RIMS2: variants seen among roughly 807,000 people sequenced by gnomAD.
RIMS2 encodes the protein regulating synaptic membrane exocytosis protein 2.
Under a neutral mutation model 174.4 loss-of-function variants are expected in RIMS2, and 59 were observed. That is an observed-to-expected ratio of 0.34 (90% CI 0.27 to 0.42). The LOEUF is 0.42. RIMS2 is among the 10% of genes least tolerant of loss of function. RIMS2 has a pLI of 1.00. For synonymous variants in RIMS2, 606 were observed against 572.5 expected (o/e 1.06, Z -0.84); for missense variants, 1,620 against 1,666.3 (o/e 0.97, Z 0.48).
At chr8:103,793,301 C>T (rs1349318693) in intron 3 of RIMS2, among the ~76,000 whole-genome samples, 1 of 152,130 alleles carries the variant, frequency 6.6e-6, no homozygotes, top group Non-Finnish European at 1.5e-5. Flanking sequence ...AAACGTAACC[C>T]CTCATATAAA....
At chr8:103,969,454 C>CT (rs1367091414) in intron 15 of RIMS2, among the ~76,000 whole-genome samples, 1 of 152,112 alleles carries the variant, frequency 6.6e-6, no homozygotes, top group Admixed American at 6.5e-5. Context: ...TTCAGAGATT[C>CT]TTTTCTCAAC....
chr8:103,510,962 T>C (rs1826181163), intron 1 of RIMS2, among the ~76,000 whole-genome samples: 1 of 152,186 alleles, frequency 6.6e-6, no homozygotes, highest in Admixed American at 6.5e-5. Flanking sequence ...ATAAAGTAGA[T>C]ACTGAACTAT....
rs575516660 is a variant in RIMS2 at position 104,224,406 on chromosome 8, T to G, written c.3335-20510T>G. Reference sequence around the variant, plus strand: ...TGTTTTAAACTTTTCACCAGTTGATTTGGAGTTCGTAAAGTTTTGAATAAC... The same window carrying G: ...TGTTTTAAACTTTTCACCAGTTGATGTGGAGTTCGTAAAGTTTTGAATAAC... On this transcript the variant is annotated intron_variant, in intron 19 of 23. Transcript: ENST00000504942. Among the ~76,000 whole-genome samples, 13 of 152,322 alleles carry G rather than the reference T, an allele frequency of 8.5e-5. No homozygotes were observed. The South Asian group carries it at 2.5e-3, about 29-fold the overall frequency.
intron 2 of RIMS2, among the ~76,000 whole-genome samples, chr8:103,737,442 C>G (rs1034412623): frequency 3.9e-5 from 6 of 152,044 alleles, no homozygotes; most frequent in African/African-American, 1.4e-4. Flanking sequence ...CCGCCTCAGC[C>G]TCACAAAATG....
At chr8:103,770,379 C>T (rs1386942404) in intron 3 of RIMS2, among the ~76,000 whole-genome samples, 6 of 152,150 alleles carry the variant, frequency 3.9e-5, no homozygotes, top group African/African-American at 1.4e-4. Flanking sequence ...AGTTCAAGAC[C>T]AGCATGGCCA....
At chr8:103,623,890 C>T (rs1249234871) in intron 1 of RIMS2, among the ~76,000 whole-genome samples, 1 of 152,058 alleles carries the variant, frequency 6.6e-6, no homozygotes, top group African/African-American at 2.4e-5. Context: ...TAAATATCCT[C>T]TGATGACCTT....
intron 3 of RIMS2, among the ~76,000 whole-genome samples, chr8:103,788,967 C>A (rs10092403): frequency 1.3e-5 from 2 of 152,182 alleles, no homozygotes; most frequent in Admixed American, 6.5e-5. Flanking sequence ...GGGATATAAT[C>A]TCGTGGTGCG....
chr8:103,776,024 T>C (rs1161648972), intron 3 of RIMS2, among the ~76,000 whole-genome samples: 1 of 152,204 alleles, frequency 6.6e-6, no homozygotes, highest in Non-Finnish European at 1.5e-5. Flanking sequence ...GCATTCTTCA[T>C]AGATTGACAT....
At chr8:103,759,143 A>G (rs2098074652) in intron 2 of RIMS2, among the ~76,000 whole-genome samples, 1 of 152,120 alleles carries the variant, frequency 6.6e-6, no homozygotes, top group Non-Finnish European at 1.5e-5. Flanking sequence ...ATTTTTGTTA[A>G]ATTGAAGGGC....
chr8:104,046,936 T>G (rs1159925264), intron 19 of RIMS2, among the ~76,000 whole-genome samples: 1 of 152,070 alleles, frequency 6.6e-6, no homozygotes, highest in Non-Finnish European at 1.5e-5. Context: ...AGTATTCTTA[T>G]GATACATCTA....
At chr8:103,563,848 C>T (rs547767123) in intron 1 of RIMS2, among the ~76,000 whole-genome samples, 13 of 152,304 alleles carry the variant, frequency 8.5e-5, no homozygotes, top group African/African-American at 3.1e-4. Context: ...TCACATCTTA[C>T]GTGGATGGTG....
chr8:103,567,179 G>A (rs774901777), intron 1 of RIMS2, among the ~76,000 whole-genome samples: 25 of 151,802 alleles, frequency 1.6e-4, no homozygotes, highest in Non-Finnish European at 3.5e-4. Flanking sequence ...TTTTTATTGT[G>A]GTAAAATGCA....
rs2099150710 is a variant in RIMS2 at position 103,878,230 on chromosome 8, T to C, written c.699-7068T>C. On this transcript the variant is annotated intron_variant, in intron 3 of 23. Coordinates refer to ENST00000504942, the Ensembl canonical transcript of RIMS2. ...AAGTTTCCTGAGGCCTCCACAGCCA[T>C]GCAGAACTGTGAGTCAATTAAGCCT... Among the ~76,000 whole-genome samples, 3 of 151,914 alleles carry C rather than the reference T, an allele frequency of 2.0e-5. No individual in the cohort carries two copies. In the South Asian group the frequency reaches 6.2e-4, roughly 31 times the overall value.
chr8:104,074,319 T>C (rs144817136), intron 19 of RIMS2, among the ~76,000 whole-genome samples: 1 of 152,298 alleles, frequency 6.6e-6, no homozygotes, highest in East Asian at 1.9e-4. Flanking sequence ...ACCTCACAGC[T>C]TTTTTAATCT....
At chr8:103,951,650 G>T (rs2154543384) in intron 14 of RIMS2, among the ~76,000 whole-genome samples, 1 of 152,294 alleles carries the variant, frequency 6.6e-6, no homozygotes, top group Non-Finnish European at 1.5e-5. Flanking sequence ...AGGGCCCTGG[G>T]TTTCCAGCAC....
At chr8:103,604,129 T>C (rs1243200405) in intron 1 of RIMS2, among the ~76,000 whole-genome samples, 1 of 149,468 alleles carries the variant, frequency 6.7e-6, no homozygotes, top group Non-Finnish European at 1.5e-5. Flanking sequence ...TTTCTGGTTT[T>C]AGGTCTAACG....
At chr8:104,064,280 T>C (rs2097062101) in intron 19 of RIMS2, among the ~76,000 whole-genome samples, 1 of 152,130 alleles carries the variant, frequency 6.6e-6, no homozygotes, top group Non-Finnish European at 1.5e-5. Context: ...TTTAAGGAAA[T>C]AAGTTAAATC....
chr8:104,189,235 G>A (rs2098984915), intron 19 of RIMS2, among the ~76,000 whole-genome samples: 1 of 151,946 alleles, frequency 6.6e-6, no homozygotes, highest in Admixed American at 6.6e-5. Flanking sequence ...ACAAGGAATG[G>A]GAAGAAGGTG....
chr8:103,519,084 A>C (rs1426679182), intron 1 of RIMS2, among the ~76,000 whole-genome samples: 1 of 151,904 alleles, frequency 6.6e-6, no homozygotes, highest in Non-Finnish European at 1.5e-5. Flanking sequence ...CTTTACTTTT[A>C]GTTATAATAA....
Sources: gnomAD v4.1 joint callset for allele counts (sites outside exome capture counted in the v4.1 genomes callset) on GRCh38, gnomAD v4.1.1 for gene constraint, MANE v1.5 for transcripts, NCBI Gene and HGNC (gene_info 2026-07-23, HGNC 2026-07-21) for gene names.